TRIM55: variants seen among roughly 807,000 people sequenced by gnomAD.
TRIM55 encodes tripartite motif containing 55.
Under a neutral mutation model 60.9 loss-of-function variants are expected in TRIM55, and 50 were observed. The observed-to-expected ratio is 0.82, with a 90% CI of 0.65 to 1.04. The LOEUF (loss-of-function observed/expected upper bound fraction) is 1.04. Ranked by LOEUF, TRIM55 falls within the 50% of genes least tolerant of loss-of-function variation. The probability of loss-of-function intolerance (pLI) is 0.00; values close to 1 mark genes in which losing one functional copy is unlikely to be tolerated. For missense variants in TRIM55, 681 were observed against 666.9 expected, an observed-to-expected ratio of 1.02 and a Z score of -0.23; for synonymous variants, 237 against 238.1, an observed-to-expected ratio of 1.00 and a Z score of 0.04.
At chr8:66,132,324 G>T (rs932031249) in intron 2 of TRIM55, among the ~76,000 whole-genome samples, 2 of 152,140 alleles carry the variant, frequency 1.3e-5, no homozygotes, top group Admixed American at 6.5e-5. Context: ...GTGGTGGCAG[G>T]CACCTGTAAT....
chr8:66,147,019 A>G (rs1810129788), intron 4 of TRIM55, among the ~76,000 whole-genome samples: 1 of 152,150 alleles, frequency 6.6e-6, no homozygotes, highest in Non-Finnish European at 1.5e-5. Context: ...CTCCCCTCAA[A>G]GTTCCTCCAC....
At chr8:66,114,805 A>C in the TRIM55 span, 6 of 339,814 alleles carry the variant, frequency 1.8e-5, no homozygotes, top group African/African-American at 4.3e-5. Flanking sequence ...CCCTGGACAC[A>C]GGGGCTGCCG....
In TRIM55 at chr8:66,150,250, T is replaced by G. The variant is rs199933238; in HGVS notation, c.860+11T>G. 3,081 of 1,613,050 alleles carry G rather than the reference T, an allele frequency of 1.9e-3. 7 individuals are homozygous for G. Among genetic ancestry groups the G allele is most frequent in the Non-Finnish European group, 2.4e-3 (2,785 of 1,179,392 alleles). On this transcript the variant is annotated intron_variant, in intron 6 of 9. Coordinates refer to ENST00000315962, the MANE Select transcript of TRIM55 (RefSeq NM_184085.2). ...AACCCTGCTAAAAAAGTAAGAACTTTTTATTTTATGTAAAAATGCATATTT... is the reference window on the plus strand; with the variant it reads ...AACCCTGCTAAAAAAGTAAGAACTTGTTATTTTATGTAAAAATGCATATTT...
chr8:66,133,117 A>C (rs1218325860), intron 2 of TRIM55, among the ~76,000 whole-genome samples: 2 of 152,164 alleles, frequency 1.3e-5, no homozygotes, highest in East Asian at 1.9e-4. Context: ...GGCAGAGACC[A>C]ACTTGCCAGT....
At chr8:66,113,472 T>A in the TRIM55 span, 1 of 454,626 alleles carries the variant, frequency 2.2e-6, no homozygotes, top group Middle Eastern at 3.3e-4. Context: ...CAAGTGCGGT[T>A]TTTTTCTCCA....
the TRIM55 span, among the ~76,000 whole-genome samples, chr8:66,120,797 CT>C: frequency 6.6e-6 from 1 of 152,174 alleles, no homozygotes; most frequent in Admixed American, 6.5e-5. Flanking sequence ...TCTAATAAAA[CT>C]GTAATCATAA....
intron 9 of TRIM55, among the ~76,000 whole-genome samples, chr8:66,154,737 T>C (rs1168311002): frequency 2.0e-5 from 3 of 152,232 alleles, no homozygotes; most frequent in Non-Finnish European, 4.4e-5. Context: ...AATCCCCTGC[T>C]TTTGTGTCAT....
chr8:66,113,623 C>T, the TRIM55 span: 1 of 455,680 alleles, frequency 2.2e-6, no homozygotes, highest in Non-Finnish European at 4.4e-6. Context: ...ATTCGCCCTG[C>T]GGGAACGTGT....
chr8:66,125,643 A>T (rs1322975798), upstream of TRIM55, among the ~76,000 whole-genome samples: 3 of 152,364 alleles, frequency 2.0e-5, no homozygotes, highest in East Asian at 1.9e-4. Flanking sequence ...CAGTAAAAAA[A>T]CTTTACCAGT....
chr8:66,135,041 C>T lies in TRIM55; in HGVS notation c.393C>T (p.Arg131=). ...QPMCEEHEEE[R]INIYCLNCEV... is the part of the protein sequence containing the mutation. ...TGTGCGAGGAACATGAAGAGGAGCGCATCAACATCTACTGTCTGAACTGCG... is the reference window on the plus strand; with the variant it reads ...TGTGCGAGGAACATGAAGAGGAGCGTATCAACATCTACTGTCTGAACTGCG... Residue 131 remains arginine, a synonymous_variant, in exon 3 of 10, where the codon CGC becomes CGT. Transcript: ENST00000315962. The T allele has an allele frequency of 6.2e-7, 1 of 1,614,212 alleles. No homozygotes were observed. Among genetic ancestry groups the T allele is most frequent in the Non-Finnish European group, 8.5e-7 (1 of 1,180,038 alleles).
At chr8:66,120,583 C>T in the TRIM55 span, among the ~76,000 whole-genome samples, 1 of 152,136 alleles carries the variant, frequency 6.6e-6, no homozygotes, top group Non-Finnish European at 1.5e-5. Flanking sequence ...AATGAAACCC[C>T]CATAAGAACT....
rs77073313 is a variant in TRIM55 at position 66,147,908 on chromosome 8, A to T, written c.604-1737A>T. ...AGACCCAGATTCTACCCTCAAAAAAAATATACTTTGGATATTTAAGAAATT... is the reference window on the plus strand; with the variant it reads ...AGACCCAGATTCTACCCTCAAAAAATATATACTTTGGATATTTAAGAAATT... On this transcript the variant is annotated intron_variant, in intron 4 of 9. Coordinates refer to ENST00000315962, the MANE Select transcript of TRIM55 (RefSeq NM_184085.2). Among the ~76,000 whole-genome samples, 774 of 152,288 alleles carry T rather than the reference A, an allele frequency of 5.1e-3. 8 individuals carry two copies. The highest frequency in any genetic ancestry group is 0.018 in the African/African-American group (752 of 41,558).
chr8:66,144,813 T>C (rs1190168311), intron 4 of TRIM55, among the ~76,000 whole-genome samples: 2 of 152,208 alleles, frequency 1.3e-5, no homozygotes, highest in Non-Finnish European at 2.9e-5. Context: ...AAGAGACAAA[T>C]ATGGTTGCTA....
At chr8:66,130,440 C>T (rs1809071900) in intron 2 of TRIM55, among the ~76,000 whole-genome samples, 1 of 152,106 alleles carries the variant, frequency 6.6e-6, no homozygotes. Context: ...ACGCAGTTGT[C>T]CCCTGGGGGC....
chr8:66,172,773 G>A lies in TRIM55; in HGVS notation c.1525-1698G>A, dbSNP rs894026837. ...ACAGCTGCCATGGAAGTTCCCTTTA[G>A]ATTAGAAACTGCCTTCAAGAAAAAG... On this transcript the variant is annotated intron_variant, in intron 9 of 9. Coordinates refer to ENST00000315962, the MANE Select transcript of TRIM55 (RefSeq NM_184085.2). Among the ~76,000 whole-genome samples, 11 of 152,200 alleles carry A rather than the reference G, an allele frequency of 7.2e-5. 1 individual carries two copies. Among genetic ancestry groups the A allele is most frequent in the South Asian group, 2.1e-4 (1 of 4,834 alleles).
intron 4 of TRIM55, among the ~76,000 whole-genome samples, chr8:66,144,025 A>G (rs970701475): frequency 1.3e-5 from 2 of 152,190 alleles, no homozygotes; most frequent in African/African-American, 4.8e-5. Context: ...TTTTCTTTCC[A>G]TGAAATGTTC....
intron 7 of TRIM55, 94 bp downstream of exon 7, chr8:66,150,560 TC>T: frequency 7.0e-7 from 1 of 1,432,666 alleles, no homozygotes; most frequent in Non-Finnish European, 9.7e-7. Flanking sequence ...CAGAATCACC[TC>T]CAGAATCAAT....
Position 66,150,428 on chromosome 8 carries a change from G to C in TRIM55, c.947G>C (p.Arg316Thr). The C allele has an allele frequency of 6.2e-7, 1 of 1,614,138 alleles. No individual in the cohort carries two copies. Among genetic ancestry groups the C allele is most frequent in the African/African-American group, 1.3e-5 (1 of 75,040 alleles). The part of the protein sequence containing the change: ...NMNHFTVNLN[R>T]EEKIIREIDF... ...AACCACTTCACAGTCAACCTCAATA[G>C]AGAAGAAAAGATAATACGTGAAATT... is the stretch of plus-strand genomic sequence containing the variant. The change falls in exon 7 of 10, where the codon AGA becomes ACA. Residue 316 changes from arginine (R) to threonine (T), a missense_variant. Arg to Thr is a moderately conservative substitution (Grantham distance 71). Transcript: ENST00000315962.
chr8:66,127,990 A>G (rs537806727), intron 1 of TRIM55, among the ~76,000 whole-genome samples: 1 of 152,276 alleles, frequency 6.6e-6, no homozygotes, highest in Non-Finnish European at 1.5e-5. Context: ...AAGTCAAACC[A>G]TTTAATGTGT....
Sources: gnomAD v4.1 joint callset for allele counts (sites outside exome capture counted in the v4.1 genomes callset) on GRCh38, gnomAD v4.1.1 for gene constraint, MANE v1.5 for transcripts, NCBI Gene and HGNC (gene_info 2026-07-23, HGNC 2026-07-21) for gene names.